The following RTTN variants were observed in gnomAD, a reference collection of about 807,000 sequenced individuals.
RTTN encodes the protein rotatin.
Under a neutral mutation model 269.2 loss-of-function variants are expected in RTTN, and 182 were observed. The ratio of observed to expected loss-of-function variants is 0.68; its 90% CI spans 0.60 to 0.76. The LOEUF is 0.76. RTTN is among the 30% of genes least tolerant of loss of function. RTTN has a pLI of 0.00. For synonymous variants in RTTN, 1,006 were observed against 963.5 expected, an observed-to-expected ratio of 1.04 and a Z score of -0.82; for missense variants, 2,545 against 2,608.6, an observed-to-expected ratio of 0.98 and a Z score of 0.53.
At chr18:70,094,056 C>T (rs2058927785) in intron 28 of RTTN, among the ~76,000 whole-genome samples, 1 of 150,216 alleles carries the variant, frequency 6.7e-6, no homozygotes, top group Non-Finnish European at 1.5e-5. Context: ...TTATCCATTT[C>T]TTCTAGATTT....
chr18:70,158,495 C>T (rs139515948), intron 14 of RTTN, among the ~76,000 whole-genome samples: 2 of 152,236 alleles, frequency 1.3e-5, no homozygotes, highest in African/African-American at 4.8e-5. Context: ...CAAAAACACA[C>T]TAAAATACAT....
At chr18:70,020,594 G>A in intron 45 of RTTN, 21 bp downstream of exon 45, 1 of 1,577,258 alleles carries the variant, frequency 6.3e-7, no homozygotes, top group Non-Finnish European at 8.7e-7. Context: ...TTTAAGATAT[G>A]TGGGGAGTTT....
chr18:70,051,272 A>G lies in RTTN; in HGVS notation c.5323+139T>C, dbSNP rs561032234. On this transcript the variant is annotated intron_variant, in intron 39 of 48. Coordinates refer to ENST00000640769, the MANE Select transcript of RTTN (RefSeq NM_173630.4). Reference sequence around the variant, plus strand: ...GGCTCAAGAACACTGCAAATTTTTCAAAGCAAGCACCCTGATACCTCTTTT... The same window carrying G: ...GGCTCAAGAACACTGCAAATTTTTCGAAGCAAGCACCCTGATACCTCTTTT... 4.0e-6 allele frequency: 4 copies of G among 1,011,444 alleles called. No individual in the cohort carries two copies. In the South Asian group the frequency reaches 9.4e-5, roughly 24 times the overall value. The allele number at this position is 1,011,444 out of a possible 1,614,324, so 62.7% of individuals were successfully genotyped here. A position where few individuals can be genotyped will look rare whatever the true frequency, so the allele number is the denominator to read the frequency against.
At position 70,051,491 on chromosome 18, in the gene RTTN, G is replaced by T; in HGVS notation, c.5243C>A (p.Ala1748Asp). The T allele has an allele frequency of 6.2e-7, 1 of 1,613,038 alleles. No homozygotes were observed. ...HTWTHLFNLL[A>D]MLLRKAGAIT... is the part of the protein sequence containing the mutation. The stretch of plus-strand genomic sequence containing the variant: ...GGCACCAGCTTTCCTCAGGAGCATG[G>T]CCAGAAGATTAAATAAATGTGTCCA... Residue 1748 changes from alanine (A) to aspartate (D), a missense_variant, in exon 39 of 49, where the codon GCC (alanine) becomes GAC (aspartate). By Grantham distance (126) the Ala-to-Asp change is moderately radical. Coordinates refer to ENST00000640769, the MANE Select transcript of RTTN (RefSeq NM_173630.4).
chr18:70,041,070 G>A (rs548529646), intron 40 of RTTN, among the ~76,000 whole-genome samples: 150 of 152,032 alleles, frequency 9.9e-4, no homozygotes, highest in Non-Finnish European at 1.8e-3. Context: ...AGCTGGGCAC[G>A]GTGGCAAGCG....
chr18:70,166,090 G>C lies in RTTN; in HGVS notation c.1901C>G (p.Thr634Ser), dbSNP rs945151883. The C allele has an allele frequency of 3.7e-6, 6 of 1,613,788 alleles. No homozygotes were observed. The African/African-American group carries it at 8.0e-5, about 22-fold the overall frequency. Residue 634 changes from threonine (T) to serine (S), a missense_variant, in exon 14 of 49, where the codon ACT (threonine) becomes AGT (serine). Physicochemically the swap from Thr to Ser is moderately conservative, Grantham distance 58. Coordinates refer to ENST00000640769, the MANE Select transcript of RTTN (RefSeq NM_173630.4). ...CGTGATTTCCAGACAGCAGTGGTAA[G>C]TTTCAGCTTTCACTCGTGGCAATGG... ...SHPLPRVKAE[T>S]YHCCLEITKE...
intron 19 of RTTN, 74 bp from the exon 20 acceptor site, chr18:70,140,262 G>T: frequency 1.3e-6 from 1 of 791,868 alleles, no homozygotes; most frequent in Non-Finnish European, 2.1e-6. Flanking sequence ...GAAATACTCA[G>T]AACTGATATC....
intron 28 of RTTN, among the ~76,000 whole-genome samples, chr18:70,100,111 G>C (rs1054170564): frequency 1.3e-5 from 2 of 152,138 alleles, no homozygotes; most frequent in Admixed American, 1.3e-4. Flanking sequence ...TTCCAATTCT[G>C]TGAAGAAAGT....
chr18:70,175,192 A>C (rs2145972205), intron 11 of RTTN, among the ~76,000 whole-genome samples: 1 of 152,156 alleles, frequency 6.6e-6, no homozygotes, highest in African/African-American at 2.4e-5. Context: ...TTTTTAAATG[A>C]ACATTTTATT....
intron 39 of RTTN, among the ~76,000 whole-genome samples, chr18:70,050,742 A>AT (rs1168453190): frequency 6.6e-6 from 1 of 152,256 alleles, no homozygotes; most frequent in Non-Finnish European, 1.5e-5. Flanking sequence ...TTATGCAGCC[A>AT]TAAAAAAAGA....
chr18:70,099,203 T>C (rs1245350580), intron 28 of RTTN, among the ~76,000 whole-genome samples: 1 of 152,180 alleles, frequency 6.6e-6, no homozygotes, highest in African/African-American at 2.4e-5. Flanking sequence ...AGTTTACAGT[T>C]CCACCAACAG....
intron 28 of RTTN, among the ~76,000 whole-genome samples, chr18:70,104,053 A>G (rs1300696058): frequency 6.6e-6 from 1 of 152,216 alleles, no homozygotes; most frequent in Admixed American, 6.5e-5. Context: ...AGGTTGGGGA[A>G]GTTCTCCTGG....
chr18:70,160,835 A>G (rs544000249), intron 14 of RTTN, among the ~76,000 whole-genome samples: 2 of 152,036 alleles, frequency 1.3e-5, no homozygotes, highest in African/African-American at 4.8e-5. Flanking sequence ...AAAACACTGC[A>G]GAAAGATATC....
chr18:70,193,904 G>A (rs1306347386), intron 7 of RTTN, among the ~76,000 whole-genome samples: 1 of 152,172 alleles, frequency 6.6e-6, no homozygotes, highest in African/African-American at 2.4e-5. Flanking sequence ...GACATCGAAA[G>A]CACAAACAAC....
intron 19 of RTTN, among the ~76,000 whole-genome samples, chr18:70,141,308 G>A (rs1029925003): frequency 3.8e-4 from 58 of 151,994 alleles, no homozygotes; most frequent in Admixed American, 2.0e-4. Context: ...CATACATCAC[G>A]TATGGGGAAA....
chr18:70,045,996 T>C (rs2057479806), intron 40 of RTTN, among the ~76,000 whole-genome samples: 1 of 152,082 alleles, frequency 6.6e-6, no homozygotes, highest in South Asian at 2.1e-4. Context: ...TAATGAATAA[T>C]ATTACAAAGT....
intron 27 of RTTN, among the ~76,000 whole-genome samples, chr18:70,113,378 A>G (rs1445854212): frequency 6.6e-6 from 1 of 152,228 alleles, no homozygotes; most frequent in African/African-American, 2.4e-5. Flanking sequence ...AGGATGCTAT[A>G]ATAACAGGTG....
chr18:70,156,985 C>T (rs755277075), intron 14 of RTTN, among the ~76,000 whole-genome samples: 8 of 152,158 alleles, frequency 5.3e-5, no homozygotes, highest in Non-Finnish European at 1.0e-4. Flanking sequence ...GCTGCCCTGC[C>T]GAAATGCTCC....
intron 3 of RTTN, 101 bp downstream of exon 3, chr18:70,203,985 G>A: frequency 2.3e-6 from 2 of 872,410 alleles, no homozygotes; most frequent in East Asian, 2.7e-5. Context: ...TAAGTTTGGG[G>A]GAGGTGGGAG....
Sources: gnomAD v4.1 joint callset for allele counts (sites outside exome capture counted in the v4.1 genomes callset) on GRCh38, gnomAD v4.1.1 for gene constraint, MANE v1.5 for transcripts, NCBI Gene and HGNC (gene_info 2026-07-23, HGNC 2026-07-21) for gene names.